Variants in SPATA6 observed in about 807,000 individuals in gnomAD.
The protein encoded by SPATA6 is spermatogenesis-associated protein 6.
SPATA6 carries 56 observed loss-of-function variants against 65.3 expected under a neutral mutation model. That is an observed-to-expected ratio of 0.86 (90% CI 0.69 to 1.07). The LOEUF (loss-of-function observed/expected upper bound fraction) is 1.07. Ranked by LOEUF, SPATA6 falls within the 50% of genes least tolerant of loss-of-function variation. The pLI is 0.00. For missense variants in SPATA6, 590 were observed against 594.8 expected, an observed-to-expected ratio of 0.99 and a Z score of 0.08; for synonymous variants, 199 against 213.2, an observed-to-expected ratio of 0.93 and a Z score of 0.58.
Position 48,471,945 on chromosome 1 carries a change from T to C in SPATA6, c.51+13A>G, listed in dbSNP as rs747285501. 6.2e-7 allele frequency: 1 copy of C among 1,609,814 alleles called. No homozygotes were observed. Among genetic ancestry groups the C allele is most frequent in the African/African-American group, 1.3e-5 (1 of 74,778 alleles). On this transcript the variant is annotated intron_variant, in intron 1 of 12. Transcript: ENST00000371847. Reference sequence around the variant, plus strand: ...GCCAATGCCCGGGGGTGGGAGGCGCTACCGGTACTCACTGAGCTGATCTCC... The same window carrying C: ...GCCAATGCCCGGGGGTGGGAGGCGCCACCGGTACTCACTGAGCTGATCTCC...
chr1:48,338,392 G>C (rs1197394934), intron 11 of SPATA6, among the ~76,000 whole-genome samples: 1 of 152,016 alleles, frequency 6.6e-6, no homozygotes, highest in Non-Finnish European at 1.5e-5. Flanking sequence ...CTTAGGACCA[G>C]AGGGTATAAA....
At chr1:48,463,566 T>C (rs780830326) in intron 1 of SPATA6, among the ~76,000 whole-genome samples, 11 of 152,130 alleles carry the variant, frequency 7.2e-5, no homozygotes, top group South Asian at 2.1e-4. Context: ...TAAAGGCAGA[T>C]ATTACAATGA....
chr1:48,316,917 C>T (rs1645444656), intron 11 of SPATA6, among the ~76,000 whole-genome samples: 1 of 152,114 alleles, frequency 6.6e-6, no homozygotes, highest in African/African-American at 2.4e-5. Flanking sequence ...AGCCAACAGA[C>T]ACATGAAAAA....
At chr1:48,277,467 C>T in the SPATA6 span, among the ~76,000 whole-genome samples, 3 of 152,234 alleles carry the variant, frequency 2.0e-5, no homozygotes, top group Non-Finnish European at 4.4e-5. Context: ...AATTGGGTCA[C>T]TCCCACCCCA....
At chr1:48,373,743 CAA>C (rs1463101222) in intron 9 of SPATA6, among the ~76,000 whole-genome samples, 1 of 152,172 alleles carries the variant, frequency 6.6e-6, no homozygotes, top group African/African-American at 2.4e-5. Context: ...ATGGCGGCAG[CAA>C]GAGAGAATGA....
At chr1:48,265,507 G>A in the SPATA6 span, among the ~76,000 whole-genome samples, 1 of 151,794 alleles carries the variant, frequency 6.6e-6, no homozygotes, top group African/African-American at 2.4e-5. Flanking sequence ...AGGTATTTTT[G>A]CCTGTTTTTA....
At chr1:48,280,951 C>T in the SPATA6 span, among the ~76,000 whole-genome samples, 3 of 152,022 alleles carry the variant, frequency 2.0e-5, no homozygotes, top group Non-Finnish European at 4.4e-5. Flanking sequence ...ACTGGCAAAC[C>T]GAATCCAGCA....
the SPATA6 span, among the ~76,000 whole-genome samples, chr1:48,267,759 T>G: frequency 5.4e-5 from 7 of 129,268 alleles, no homozygotes; most frequent in Non-Finnish European, 8.4e-5. Flanking sequence ...TGGGTTTTTT[T>G]TTTTTTTTTT....
the SPATA6 span, among the ~76,000 whole-genome samples, chr1:48,261,807 A>C: frequency 6.6e-6 from 1 of 152,110 alleles, no homozygotes; most frequent in East Asian, 1.9e-4. Context: ...ATAGCACCTT[A>C]ACTGTAATTA....
intron 11 of SPATA6, among the ~76,000 whole-genome samples, chr1:48,350,788 A>G (rs570152319): frequency 4.5e-4 from 68 of 152,026 alleles, no homozygotes; most frequent in African/African-American, 1.3e-3. Flanking sequence ...TTTATTGCAA[A>G]AATCTTAAAA....
intron 3 of SPATA6, among the ~76,000 whole-genome samples, chr1:48,425,310 G>A (rs1653732948): frequency 6.6e-6 from 1 of 152,098 alleles, no homozygotes; most frequent in South Asian, 2.1e-4. Context: ...TAGGTGTATG[G>A]ATTTGTTTCT....
rs551645406 is a variant in SPATA6, at chr1:48,300,388, C to G, written c.1287-1495G>C. Among the ~76,000 whole-genome samples, 6 of 152,118 alleles carry G rather than the reference C, an allele frequency of 3.9e-5. No individual in the cohort carries two copies. The East Asian group carries it at 1.2e-3, about 29-fold the overall frequency. ...ATTATACTATGAACAAATACAAAAC[C>G]TGAACAGACCAATAATGAATAACAA... is the stretch of plus-strand genomic sequence containing the variant. On this transcript the variant is annotated intron_variant, in intron 12 of 12. Coordinates refer to ENST00000371847, the MANE Select transcript of SPATA6 (RefSeq NM_019073.4).
chr1:48,340,738 T>A (rs1402665643), intron 11 of SPATA6, among the ~76,000 whole-genome samples: 1 of 151,794 alleles, frequency 6.6e-6, no homozygotes, highest in African/African-American at 2.4e-5. Flanking sequence ...AAAAGAAAAG[T>A]TAAATAATAT....
At chr1:48,305,670 G>C in intron 12 of SPATA6, 117 bp downstream of exon 12, 2 of 726,076 alleles carry the variant, frequency 2.8e-6, no homozygotes, top group Admixed American at 3.0e-5. Context: ...GGAATTTACA[G>C]TTAGAAATAA....
chr1:48,432,765 T>C (rs1654526377), intron 3 of SPATA6, among the ~76,000 whole-genome samples: 1 of 152,196 alleles, frequency 6.6e-6, no homozygotes, highest in South Asian at 2.1e-4. Flanking sequence ...GATCCAGCAA[T>C]TCCACATCTG....
intron 11 of SPATA6, chr1:48,325,053 C>G: frequency 3.0e-6 from 1 of 335,286 alleles, no homozygotes; most frequent in Non-Finnish European, 5.8e-6. Context: ...CCACCCAATC[C>G]CACATTTCTC....
intron 9 of SPATA6, among the ~76,000 whole-genome samples, chr1:48,363,945 TCCC>T (rs1394316719): frequency 6.6e-6 from 1 of 151,714 alleles, no homozygotes; most frequent in African/African-American, 2.4e-5. Context: ...ATGCTATCCC[TCCC>T]CCCTTCCCCC....
In SPATA6 at chr1:48,421,017, T is replaced by G. The variant is rs143862510; in HGVS notation, c.239-7866A>C. ...GATATAACAGAAGTAGAGAGCAGGA[T>G]AGTAATAACCAGAGCTTGGGTAGGT... On this transcript the variant is annotated intron_variant, in intron 3 of 12. Coordinates refer to ENST00000371847, the MANE Select transcript of SPATA6 (RefSeq NM_019073.4). Among the ~76,000 whole-genome samples the G allele has an allele frequency of 6.3e-3, 958 of 152,148 alleles. 9 individuals are homozygous for G. The highest frequency in any genetic ancestry group is 0.02 in the African/African-American group (837 of 41,516).
At chr1:48,411,726 A>G in intron 4 of SPATA6, 138 bp from the exon 5 acceptor site, 1 of 701,776 alleles carries the variant, frequency 1.4e-6, no homozygotes, top group South Asian at 7.0e-5. Flanking sequence ...CTATGAAAGG[A>G]AAATTAAAAT....
Sources: gnomAD v4.1 joint callset for allele counts (sites outside exome capture counted in the v4.1 genomes callset) on GRCh38, gnomAD v4.1.1 for gene constraint, MANE v1.5 for transcripts, NCBI Gene and HGNC (gene_info 2026-07-23, HGNC 2026-07-21) for gene names.